IL15RA: variants seen among roughly 807,000 people sequenced by gnomAD.
The protein encoded by IL15RA is interleukin 15 receptor subunit alpha, also known as interleukin-15 receptor subunit alpha.
A neutral mutation model predicts 24.2 loss-of-function variants in IL15RA; 26 were observed. That is an observed-to-expected ratio of 1.07 (90% CI 0.79 to 1.49). The LOEUF is 1.49. Ranked by LOEUF, IL15RA falls within the 40% of genes most tolerant of loss-of-function variation. The pLI, the probability that IL15RA is intolerant of heterozygous loss-of-function variation, is 0.00. For missense variants in IL15RA, 354 were observed against 356.4 expected (o/e 0.99, Z 0.05); for synonymous variants, 166 against 157.6 (o/e 1.05, Z -0.40).
Position 5,973,939 on chromosome 10 carries a change from A to G in IL15RA, c.88+3466T>C, listed in dbSNP as rs1318343721. ...TATACCTGATTAGGGCCTCGTATCC[A>G]GAATATATAAAGAACTCTCAAAATT... On this transcript the variant is annotated intron_variant, in intron 1 of 6. Coordinates refer to ENST00000379977, the MANE Select transcript of IL15RA (RefSeq NM_002189.4). The surrounding 1 kb of genome is among the most constrained non-coding windows in gnomAD (Gnocchi z 4.5). 6.6e-6 allele frequency among the ~76,000 whole-genome samples: 1 copy of G among 152,194 alleles called. No individual in the cohort carries two copies. The highest frequency in any genetic ancestry group is 6.6e-5 in the Admixed American group (1 of 15,266).
At chr10:5,956,217 G>A (rs1467456675) in intron 6 of IL15RA, among the ~76,000 whole-genome samples, 162 bp downstream of exon 6, 1 of 152,150 alleles carries the variant, frequency 6.6e-6, no homozygotes, top group African/African-American at 2.4e-5. Context: ...GTTCCACCAC[G>A]TTGGCCAGGC....
rs1436635102 is a variant in IL15RA, at chr10:5,975,543, A to T, written c.88+1862T>A. ...ACTTATCAAAGTGTGCAACTTCAAT[A>T]TATGCAGTTTATTGTCGGTCAATTA... On this transcript the variant is annotated intron_variant, in intron 1 of 6. Coordinates refer to ENST00000379977, the MANE Select transcript of IL15RA (RefSeq NM_002189.4). The surrounding 1 kb of genome is among the most constrained non-coding windows in gnomAD (Gnocchi z 4.8). Among the ~76,000 whole-genome samples the T allele has an allele frequency of 2.0e-5, 3 of 151,818 alleles. No homozygotes were observed. Among genetic ancestry groups the T allele is most frequent in the African/African-American group, 7.3e-5 (3 of 41,284 alleles).
At position 5,963,721 on chromosome 10, in the gene IL15RA, G is replaced by A. The variant is rs777484101; in HGVS notation, c.382+22C>T. 8.2e-6 allele frequency: 12 copies of A among 1,460,260 alleles called. No homozygotes were observed. The highest frequency in any genetic ancestry group is 5.6e-5 in the Admixed American group (2 of 35,736). The allele number at this position is 1,460,260 out of a possible 1,614,324, so 90.5% of individuals were successfully genotyped here. Reference sequence around the variant, plus strand: ...GTGTTGGGAGGGAATGAATGTCCTCGAGAAGTTTCTGACCTTCCTACCTTT... The same window carrying A: ...GTGTTGGGAGGGAATGAATGTCCTCAAGAAGTTTCTGACCTTCCTACCTTT... On this transcript the variant is annotated intron_variant, in intron 3 of 6. Transcript: ENST00000379977. The surrounding 1 kb of genome is among the most constrained non-coding windows in gnomAD (Gnocchi z 5.3).
downstream of IL15RA, among the ~76,000 whole-genome samples, chr10:5,951,141 C>CAAAAAAAAAAAAAAAAAAAAAAAAAAAA (rs60771366): frequency 2.8e-5 from 1 of 35,922 alleles, no homozygotes; most frequent in Non-Finnish European, 4.6e-5. Context: ...GACTCAGTCT[C>CAAAAAAAAAAAAAAAAAAAAAAAAAAAA]AAAAAAAAAA....
In IL15RA at chr10:5,965,530, C is replaced by A. The variant is rs1432593996; in HGVS notation, c.283+615G>T. On this transcript the variant is annotated intron_variant, in intron 2 of 6. Transcript: ENST00000379977. The surrounding 1 kb of genome is among the most constrained non-coding windows in gnomAD (Gnocchi z 5.8). ...TACCAGGGTTCACGCCACCCTCCCA[C>A]AGCCCGCAGTGTGGATATCAAGTCC... is the stretch of plus-strand genomic sequence containing the variant. 6.6e-6 allele frequency among the ~76,000 whole-genome samples: 1 copy of A among 152,260 alleles called. No homozygotes were observed. Among genetic ancestry groups the A allele is most frequent in the African/African-American group, 2.4e-5 (1 of 41,470 alleles).
rs1374662514 is a variant in IL15RA, at chr10:5,959,530, C to A, written c.616+224G>T. On this transcript the variant is annotated intron_variant, in intron 5 of 6. Coordinates refer to ENST00000379977, the MANE Select transcript of IL15RA (RefSeq NM_002189.4). The surrounding 1 kb of genome is among the most constrained non-coding windows in gnomAD (Gnocchi z 4.1). ...AGCTCTCTGGGTTCAACCCCAGTAG[C>A]CTGACAGCTAGAAGCTACCAATATT... 6.6e-6 allele frequency among the ~76,000 whole-genome samples: 1 copy of A among 152,212 alleles called. No individual in the cohort carries two copies. Among genetic ancestry groups the A allele is most frequent in the Non-Finnish European group, 1.5e-5 (1 of 68,042 alleles).
In IL15RA at chr10:5,968,991, G is replaced by C. The variant is rs1326300211; in HGVS notation, c.89-2652C>G. The C allele has an allele frequency of 6.5e-7, 1 of 1,533,688 alleles. No individual in the cohort carries two copies. The highest frequency in any genetic ancestry group is 8.7e-7 in the Non-Finnish European group (1 of 1,145,616). ...TTTCCAGCAGCCGTGGACCTCCAGGGCTGTTTGTGTAGGATCCTGAGCAAG... is the reference window on the plus strand; with the variant it reads ...TTTCCAGCAGCCGTGGACCTCCAGGCCTGTTTGTGTAGGATCCTGAGCAAG... On this transcript the variant is annotated intron_variant, in intron 1 of 6. Coordinates refer to ENST00000379977, the MANE Select transcript of IL15RA (RefSeq NM_002189.4). This position sits in a 1 kb window ranked among gnomAD's most constrained non-coding sequence, Gnocchi z 5.4.
Position 5,966,018 on chromosome 10 carries a change from G to T in IL15RA, c.283+127C>A. The T allele has an allele frequency of 1.6e-6, 1 of 614,802 alleles. No homozygotes were observed. The allele number at this position is 614,802 out of a possible 1,614,324, so 38.1% of individuals were successfully genotyped here. ...TTACAGGTGTGAGCCACCGTGCCCG[G>T]CCCCCACTGGTGTGTTTAGCCTCAG... On this transcript the variant is annotated intron_variant, in intron 2 of 6. Transcript: ENST00000379977. The surrounding 1 kb of genome is among the most constrained non-coding windows in gnomAD (Gnocchi z 6.4).
rs1455727738 is a variant in IL15RA, at chr10:5,960,442, A to G, written c.508T>C (p.Ser170Pro). ...TGTTEISSHE[S>P]SHGTPSQTTA... ...GTCTGAGAGGGGGTGCCGTGGGAGG[A>G]CTCATGACTGCTTATCTCTGTGGTT... Residue 170 changes from serine to proline, a missense_variant, in exon 4 of 7, where the codon TCC (serine) becomes CCC (proline). Transcript: ENST00000379977. The surrounding 1 kb of genome is among the most constrained non-coding windows in gnomAD (Gnocchi z 5.1). 14 of 1,612,862 alleles carry G rather than the reference A, an allele frequency of 8.7e-6. No individual in the cohort carries two copies. Among genetic ancestry groups the G allele is most frequent in the Non-Finnish European group, 1.2e-5 (14 of 1,179,694 alleles).
In IL15RA at chr10:5,965,711, G is replaced by A. The variant is rs1445302194; in HGVS notation, c.283+434C>T. On this transcript the variant is annotated intron_variant, in intron 2 of 6. Transcript: ENST00000379977. The surrounding 1 kb of genome is among the most constrained non-coding windows in gnomAD (Gnocchi z 5.8). ...AGGAGCTGTTGCTGAGGATCACACT[G>A]GTGTCTTTCTTTTTTTCTTTCTTTT... 6.6e-6 allele frequency among the ~76,000 whole-genome samples: 1 copy of A among 152,072 alleles called. No individual in the cohort carries two copies. Among genetic ancestry groups the A allele is most frequent in the Non-Finnish European group, 1.5e-5 (1 of 68,008 alleles).
Position 5,977,386 on chromosome 10 carries a change from C to T in IL15RA, c.88+19G>A. 8.1e-7 allele frequency: 1 copy of T among 1,232,244 alleles called. No individual in the cohort carries two copies. The highest frequency in any genetic ancestry group is 1.0e-6 in the Non-Finnish European group (1 of 961,092). 76.3% of individuals were successfully genotyped at this position (1,232,244 alleles called of 1,614,324 possible). Reference sequence around the variant, plus strand: ...CCCTTCCAAGTCCCGCCCGGGCGCCCCTGCTCCCAGCTCCCTACCCCGCGT... The same window carrying T: ...CCCTTCCAAGTCCCGCCCGGGCGCCTCTGCTCCCAGCTCCCTACCCCGCGT... On this transcript the variant is annotated intron_variant, in intron 1 of 6. Transcript: ENST00000379977.
At chr10:5,976,745 C>G (rs1482856050) in intron 1 of IL15RA, among the ~76,000 whole-genome samples, 4 of 152,110 alleles carry the variant, frequency 2.6e-5, no homozygotes, top group Non-Finnish European at 5.9e-5. Context: ...GATCACAGAT[C>G]TCTTCCCCCT....
At chr10:5,957,534 G>A (rs12247660) in intron 5 of IL15RA, among the ~76,000 whole-genome samples, 22,592 of 150,604 alleles carry the variant, frequency 0.15, 1,975 homozygotes, top group African/African-American at 0.23. Flanking sequence ...TTAGCCTCCC[G>A]AAGTGCTGGG....
At chr10:5,977,251 G>C in intron 1 of IL15RA, 154 bp downstream of exon 1, 1 of 377,322 alleles carries the variant, frequency 2.7e-6, no homozygotes, top group African/African-American at 2.1e-5. Context: ...CCGGCGCCGC[G>C]TCCCCTCCCC....
chr10:5,966,979 C>T lies in IL15RA; in HGVS notation c.89-640G>A, dbSNP rs11574672. 0.014 allele frequency among the ~76,000 whole-genome samples: 2,128 copies of T among 152,062 alleles called. 37 individuals are homozygous for T. The highest frequency in any genetic ancestry group is 0.037 in the Admixed American group (571 of 15,284). On this transcript the variant is annotated intron_variant, in intron 1 of 6. Transcript: ENST00000379977. The surrounding 1 kb of genome is among the most constrained non-coding windows in gnomAD (Gnocchi z 6.4). ...GGCCAGGCTGGTCTTGAACTCCTAA[C>T]CTCAAATGATCTGCCCGCCTCGGCC...
chr10:5,950,222 T>C (rs1833776749), downstream of IL15RA, among the ~76,000 whole-genome samples: 1 of 152,110 alleles, frequency 6.6e-6, no homozygotes, highest in African/African-American at 2.4e-5. The surrounding 1 kb of genome is among the most constrained non-coding windows in gnomAD (Gnocchi z 5.6). Flanking sequence ...ATGTGAATCA[T>C]TTAGACTTGT....
chr10:5,953,296 A>G lies in IL15RA; in HGVS notation c.693-90T>C, dbSNP rs1367594679. 1.1e-6 allele frequency: 1 copy of G among 927,254 alleles called. No individual in the cohort carries two copies. Among genetic ancestry groups the G allele is most frequent in the Non-Finnish European group, 1.8e-6 (1 of 564,422 alleles). The allele number at this position is 927,254 out of a possible 1,614,324, so 57.4% of individuals were successfully genotyped here. A position where few individuals can be genotyped will look rare whatever the true frequency, so the allele number is the denominator to read the frequency against. ...TTCCCACTGAGCATGTATGTCCAGC[A>G]CTGCGGGGATGGCAGGAGCAGACAG... On this transcript the variant is annotated intron_variant, in intron 6 of 6. Transcript: ENST00000379977. The surrounding 1 kb of genome is among the most constrained non-coding windows in gnomAD (Gnocchi z 5.3).
chr10:5,962,419 C>T lies in IL15RA; in HGVS notation c.382+1324G>A, dbSNP rs1248509177. 3.3e-5 allele frequency among the ~76,000 whole-genome samples: 5 copies of T among 152,054 alleles called. No individual in the cohort carries two copies. The highest frequency in any genetic ancestry group is 4.8e-5 in the African/African-American group (2 of 41,396). Reference sequence around the variant, plus strand: ...CCAGACTGACCAACATGGTGAAACCCTGTCTCTACTAAAAATACAGAAATT... The same window carrying T: ...CCAGACTGACCAACATGGTGAAACCTTGTCTCTACTAAAAATACAGAAATT... On this transcript the variant is annotated intron_variant, in intron 3 of 6. Coordinates refer to ENST00000379977, the MANE Select transcript of IL15RA (RefSeq NM_002189.4). This position sits in a 1 kb window ranked among gnomAD's most constrained non-coding sequence, Gnocchi z 5.2.
Position 5,958,511 on chromosome 10 carries a change from G to A in IL15RA, c.616+1243C>T, listed in dbSNP as rs555546018. ...AGCAATTCTCCCACCTCAGCATCCC[G>A]AGTAGGTGGGACTACAGGCATGTGC... On this transcript the variant is annotated intron_variant, in intron 5 of 6. Transcript: ENST00000379977. This position sits in a 1 kb window ranked among gnomAD's most constrained non-coding sequence, Gnocchi z 4.3. Among the ~76,000 whole-genome samples, 6 of 152,012 alleles carry A rather than the reference G, an allele frequency of 3.9e-5. No homozygotes were observed. Among genetic ancestry groups the A allele is most frequent in the Non-Finnish European group, 8.8e-5 (6 of 67,992 alleles).
Sources: gnomAD v4.1 joint callset for allele counts (sites outside exome capture counted in the v4.1 genomes callset) on GRCh38, gnomAD v4.1.1 for gene constraint, Gnocchi (gnomAD v3.1) non-coding constraint, MANE v1.5 for transcripts, NCBI Gene and HGNC (gene_info 2026-07-23, HGNC 2026-07-21) for gene names.